Variants in EPB41L5 observed in about 807,000 individuals in gnomAD.
EPB41L5 encodes the protein band 4.1-like protein 5.
Under a neutral mutation model 106.6 loss-of-function variants are expected in EPB41L5, and 55 were observed. That is an observed-to-expected ratio of 0.52 (90% CI 0.42 to 0.65). EPB41L5 has a LOEUF of 0.65. EPB41L5 is among the 30% of genes least tolerant of loss of function. EPB41L5 has a pLI of 0.00. For synonymous variants in EPB41L5, 297 were observed against 306.7 expected (o/e 0.97, Z 0.33); for missense variants, 871 against 882.1 (o/e 0.99, Z 0.16).
chr2:120,155,038 C>G (rs1686843011), intron 20 of EPB41L5, among the ~76,000 whole-genome samples: 1 of 152,136 alleles, frequency 6.6e-6, no homozygotes. Flanking sequence ...AAGTTATACC[C>G]AAATTGTAAA....
intron 20 of EPB41L5, among the ~76,000 whole-genome samples, chr2:120,156,167 AG>A (rs1686891631): frequency 6.6e-6 from 1 of 152,166 alleles, no homozygotes; most frequent in South Asian, 2.1e-4. Context: ...TGAACTCTGC[AG>A]GGCGATCTTG....
chr2:120,051,427 G>A (rs2105248729), intron 3 of EPB41L5, among the ~76,000 whole-genome samples: 2 of 152,322 alleles, frequency 1.3e-5, no homozygotes, highest in Middle Eastern at 6.8e-3. Flanking sequence ...AATGAGTGAG[G>A]ATCTGTGAGC....
chr2:120,173,134 A>C (rs1275189089), intron 24 of EPB41L5, among the ~76,000 whole-genome samples: 1 of 152,236 alleles, frequency 6.6e-6, no homozygotes, highest in Non-Finnish European at 1.5e-5. Flanking sequence ...CAGTCCAGGG[A>C]AAATAAAAGT....
At chr2:120,068,958 T>C (rs1340129992) in intron 3 of EPB41L5, among the ~76,000 whole-genome samples, 1 of 151,458 alleles carries the variant, frequency 6.6e-6, no homozygotes, top group African/African-American at 2.4e-5. Flanking sequence ...AGTAACCCTG[T>C]CTCTACTAAA....
intron 3 of EPB41L5, among the ~76,000 whole-genome samples, chr2:120,070,364 A>G (rs896220407): frequency 2.0e-5 from 3 of 152,232 alleles, no homozygotes; most frequent in African/African-American, 7.2e-5. Context: ...AAAAAAGCCC[A>G]GGACCAGACA....
At chr2:120,040,972 T>C (rs1016419320) in intron 2 of EPB41L5, among the ~76,000 whole-genome samples, 21 of 152,112 alleles carry the variant, frequency 1.4e-4, no homozygotes, top group African/African-American at 4.8e-4. Flanking sequence ...TGAGCAGTTA[T>C]GAAAATTGAG....
chr2:120,167,426 CT>C, intron 22 of EPB41L5, 39 bp from the exon 23 acceptor site: 1 of 1,554,540 alleles, frequency 6.4e-7, no homozygotes, highest in Non-Finnish European at 8.9e-7. Context: ...ATAAGTCAGT[CT>C]TTCCAAAAAG....
chr2:120,124,479 G>A (rs772003108), intron 16 of EPB41L5, among the ~76,000 whole-genome samples: 12 of 152,026 alleles, frequency 7.9e-5, no homozygotes, highest in Non-Finnish European at 1.2e-4. Flanking sequence ...ATATTTGCTC[G>A]CATTTATTTC....
At chr2:120,021,886 G>A (rs1677954836) in intron 2 of EPB41L5, among the ~76,000 whole-genome samples, 1 of 152,152 alleles carries the variant, frequency 6.6e-6, no homozygotes, top group Non-Finnish European at 1.5e-5. Context: ...TTTAGAAATT[G>A]AATGAAGCAC....
At chr2:120,077,432 CT>C (rs1161032101) in intron 9 of EPB41L5, 116 bp downstream of exon 9, 4 of 648,920 alleles carry the variant, frequency 6.2e-6, no homozygotes, top group Non-Finnish European at 1.0e-5. Flanking sequence ...GCACTGGGTA[CT>C]TTGGATGTAT....
At chr2:120,084,938 T>C (rs903187143) in intron 10 of EPB41L5, among the ~76,000 whole-genome samples, 3 of 152,236 alleles carry the variant, frequency 2.0e-5, no homozygotes, top group African/African-American at 7.2e-5. Context: ...AGCTTGTGCA[T>C]GCATCACGTC....
intron 20 of EPB41L5, among the ~76,000 whole-genome samples, chr2:120,154,430 GC>G (rs1028123550): frequency 5.9e-5 from 9 of 151,694 alleles, no homozygotes; most frequent in Non-Finnish European, 1.3e-4. Context: ...CTCCCAAAGT[GC>G]TGGGATTACA....
rs560824686 is a variant in EPB41L5, at chr2:120,084,937, A to G, written c.804-2234A>G. On this transcript the variant is annotated intron_variant, in intron 10 of 24. Coordinates refer to ENST00000263713, the MANE Select transcript of EPB41L5 (RefSeq NM_020909.4). Reference sequence around the variant, plus strand: ...TCAAATCAGCTACTGAAGCTTGTGCATGCATCACGTCGTTCTCATGCCATG... The same window carrying G: ...TCAAATCAGCTACTGAAGCTTGTGCGTGCATCACGTCGTTCTCATGCCATG... 3.3e-5 allele frequency among the ~76,000 whole-genome samples: 5 copies of G among 152,298 alleles called. No individual in the cohort carries two copies. The East Asian group carries it at 7.7e-4, about 23-fold the overall frequency.
In EPB41L5 at chr2:120,163,980, C is replaced by CTTTTTT. The variant is rs70949387; in HGVS notation, c.1888-841_1888-836dup. 6.0e-3 allele frequency among the ~76,000 whole-genome samples: 409 copies of CTTTTTT among 68,132 alleles called. 82 individuals are homozygous for CTTTTTT. Among genetic ancestry groups the CTTTTTT allele is most frequent in the African/African-American group, 0.015 (271 of 18,520 alleles). The allele number at this position is 68,132 out of a possible 152,430, so 44.7% of individuals were successfully genotyped here. A position where few individuals can be genotyped will look rare whatever the true frequency, so the allele number is the denominator to read the frequency against. On this transcript the variant is annotated intron_variant, in intron 21 of 24. Transcript: ENST00000263713. The stretch of plus-strand genomic sequence containing the variant: ...ACTTTTTTTTATTTTTTTGTATTTA[C>CTTTTTT]TTTTTTTTTTTTTTTTTTTTGAGAT...
chr2:120,091,268 G>C (rs1261408428), intron 12 of EPB41L5, among the ~76,000 whole-genome samples: 3 of 152,216 alleles, frequency 2.0e-5, no homozygotes, highest in African/African-American at 7.2e-5. Flanking sequence ...AGATGGGAAA[G>C]AGAGGGAGTT....
Position 120,144,186 on chromosome 2 carries a change from G to T in EPB41L5, c.1728+1055G>T, listed in dbSNP as rs1032442962. 5.3e-5 allele frequency among the ~76,000 whole-genome samples: 8 copies of T among 152,098 alleles called. No individual in the cohort carries two copies. The South Asian group carries it at 1.7e-3, about 32-fold the overall frequency. On this transcript the variant is annotated intron_variant, in intron 19 of 24. Coordinates refer to ENST00000263713, the MANE Select transcript of EPB41L5 (RefSeq NM_020909.4). ...ATGGTATTAACAGATGGGGCCTTTG[G>T]TAGAGCCCCCAAGAGTAGGATTAGT...
chr2:120,046,288 TC>T lies in EPB41L5; in HGVS notation c.285+4180del, dbSNP rs965658510. Among the ~76,000 whole-genome samples the T allele has an allele frequency of 2.0e-5, 3 of 152,192 alleles. No homozygotes were observed. The East Asian group carries it at 5.8e-4, about 29-fold the overall frequency. On this transcript the variant is annotated intron_variant, in intron 3 of 24. Coordinates refer to ENST00000263713, the MANE Select transcript of EPB41L5 (RefSeq NM_020909.4). The stretch of plus-strand genomic sequence containing the variant: ...AGTCCCACCAACAGTGTAAAATTGT[TC>T]CTATGTCTCCACTTCCTCTCCAGCA...
chr2:120,113,864 T>G lies in EPB41L5; in HGVS notation c.1337+13050T>G, dbSNP rs182973769. Among the ~76,000 whole-genome samples, 148 of 152,344 alleles carry G rather than the reference T, an allele frequency of 9.7e-4. 1 individual carries two copies. Among genetic ancestry groups the G allele is most frequent in the Middle Eastern group, 6.8e-3 (2 of 294 alleles). On this transcript the variant is annotated intron_variant, in intron 16 of 24. Transcript: ENST00000263713. ...TTGATTCCTTTTAATGGCTTAATAA[T>G]ATTCCCTTGTATGATGCCCAGTGTT...
chr2:120,070,658 C>A (rs1681798043), intron 3 of EPB41L5, among the ~76,000 whole-genome samples: 1 of 152,178 alleles, frequency 6.6e-6, no homozygotes, highest in Non-Finnish European at 1.5e-5. Context: ...TCAGCTTCAT[C>A]CCTGGATTGC....
Sources: allele counts gnomAD v4.1 joint callset (sites outside exome capture counted in the v4.1 genomes callset), GRCh38; gene constraint gnomAD v4.1.1; transcripts MANE v1.5; gene names NCBI Gene and HGNC (gene_info 2026-07-23, HGNC 2026-07-21).